The following ATP13A5 variants were observed in gnomAD, a reference collection of about 807,000 sequenced individuals.
ATP13A5 encodes the protein probable cation-transporting ATPase 13A5.
In ATP13A5, 149 loss-of-function variants were observed where a neutral mutation model predicts 150.2. That is an observed-to-expected ratio of 0.99 (90% CI 0.87 to 1.14). The LOEUF (loss-of-function observed/expected upper bound fraction) is 1.14, where lower values mean the gene tolerates loss of function less well. ATP13A5 is among the 50% of genes most tolerant of loss of function. The pLI is 0.00. For synonymous variants in ATP13A5, 497 were observed against 522.2 expected (o/e 0.95, Z 0.66); for missense variants, 1,383 against 1,449.3 (o/e 0.95, Z 0.74).
In ATP13A5 at chr3:193,335,018, T is replaced by C; in HGVS notation, c.1025A>G (p.Tyr342Cys). The C allele has an allele frequency of 6.2e-7, 1 of 1,614,014 alleles. No homozygotes were observed. Among genetic ancestry groups the C allele is most frequent in the Non-Finnish European group, 8.5e-7 (1 of 1,179,856 alleles). Residue 342 changes from tyrosine to cysteine, a missense_variant, in exon 10 of 30, where the codon TAT becomes TGT. Around this residue, in one of 3 missense-constraint regions of ATP13A5, gnomAD observed 787 missense variants for 771.9 expected, o/e 1.02. Transcript: ENST00000342358. ...MPWKCHSLED[Y>C]RKHVLFCGTE... ...TCCACAGAAAAGGACGTGTTTCCTA[T>C]AATCCTCCAAACTGTGACATTTCCA...
chr3:193,367,019 A>G (rs1479779881), intron 1 of ATP13A5, among the ~76,000 whole-genome samples: 1 of 152,106 alleles, frequency 6.6e-6, no homozygotes, highest in Non-Finnish European at 1.5e-5. Context: ...AAAATTGAGA[A>G]ATAAACATTC....
chr3:193,372,410 A>G (rs543559948), intron 1 of ATP13A5: 1 of 155,154 alleles, frequency 6.4e-6, no homozygotes, highest in East Asian at 1.9e-4. Context: ...GAAGACAAAC[A>G]TTATGACTGT....
intron 1 of ATP13A5, among the ~76,000 whole-genome samples, chr3:193,375,156 C>A (rs1465636919): frequency 1.3e-5 from 2 of 152,216 alleles, no homozygotes; most frequent in African/African-American, 4.8e-5. Flanking sequence ...CCCAGTATTT[C>A]TCAAACCTGA....
chr3:193,322,534 G>A lies in ATP13A5; in HGVS notation c.1715C>T (p.Thr572Met), dbSNP rs199624603. 1.1e-4 allele frequency: 178 copies of A among 1,613,762 alleles called. 1 individual carries two copies. The highest frequency in any genetic ancestry group is 4.5e-4 in the South Asian group (41 of 91,012). ...DCIVDSCKFG[T>M]SVSNIIKPGP... ...TGGTTTTATGATGTTTGAAACTGAC[G>A]TCCCAAATTTGCAGGAGTCTACAAT... The change falls in exon 15 of 30, where the codon ACG becomes ATG. Residue 572 changes from threonine (T) to methionine (M), a missense_variant. By Grantham distance (81) the Thr-to-Met change is moderately conservative. This residue lies in a region of ATP13A5 where 787 missense variants were observed against 771.9 expected (regional missense o/e 1.02). Transcript: ENST00000342358.
At chr3:193,309,900 A>C (rs1313649506) in intron 21 of ATP13A5, among the ~76,000 whole-genome samples, 1 of 152,142 alleles carries the variant, frequency 6.6e-6, no homozygotes, top group Non-Finnish European at 1.5e-5. Context: ...TTTGGAGAAC[A>C]TGTGCAGATT....
Position 193,335,026 on chromosome 3 carries a change from C to T in ATP13A5, c.1017G>A (p.Leu339=). The change falls in exon 10 of 30, where the codon TTG becomes TTA. Residue 339 remains leucine, a synonymous_variant. Transcript: ENST00000342358. ...AAAGGACGTGTTTCCTATAATCCTC[C>T]AAACTGTGACATTTCCAAGGCATAG... ...ENTMPWKCHS[L]EDYRKHVLFC... 1.2e-6 allele frequency: 2 copies of T among 1,613,928 alleles called. No homozygotes were observed. The highest frequency in any genetic ancestry group is 2.2e-5 in the South Asian group (2 of 91,072).
intron 12 of ATP13A5, among the ~76,000 whole-genome samples, chr3:193,328,033 G>T (rs771280264): frequency 4.1e-4 from 63 of 152,198 alleles, no homozygotes; most frequent in Non-Finnish European, 1.0e-4. Context: ...ACATCCATTA[G>T]CATAATGCTT....
At chr3:193,276,670 G>T (rs1247935849) in intron 29 of ATP13A5, 80 bp downstream of exon 29, 4 of 978,266 alleles carry the variant, frequency 4.1e-6, no homozygotes, top group East Asian at 2.4e-5. Context: ...CAAAGTGGTT[G>T]CTCTAGAAAA....
chr3:193,334,905 C>T (rs752630927), intron 10 of ATP13A5, 24 bp downstream of exon 10: 2 of 1,597,222 alleles, frequency 1.3e-6, no homozygotes, highest in South Asian at 2.2e-5. Context: ...ATGAATTAAA[C>T]TTACAAAAGT....
At chr3:193,356,437 A>G (rs1250941371) in intron 5 of ATP13A5, among the ~76,000 whole-genome samples, 2 of 152,158 alleles carry the variant, frequency 1.3e-5, no homozygotes, top group Non-Finnish European at 2.9e-5. Context: ...GGGGTTTTAT[A>G]AAACATACCT....
intron 13 of ATP13A5, among the ~76,000 whole-genome samples, chr3:193,326,442 C>T (rs1275831545): frequency 6.6e-6 from 1 of 152,206 alleles, no homozygotes; most frequent in Non-Finnish European, 1.5e-5. Flanking sequence ...AGTGCCATCT[C>T]CTTCAGGTGG....
At chr3:193,291,609 C>T (rs1717956265) in intron 25 of ATP13A5, among the ~76,000 whole-genome samples, 1 of 151,996 alleles carries the variant, frequency 6.6e-6, no homozygotes, top group African/African-American at 2.4e-5. Flanking sequence ...TCAGCCTGAC[C>T]TCCAGATAGG....
intron 9 of ATP13A5, 58 bp from the exon 10 acceptor site, chr3:193,335,157 G>A (rs1447576739): frequency 1.3e-6 from 2 of 1,517,970 alleles, no homozygotes; most frequent in African/African-American, 2.8e-5. Context: ...GTCAGAACTG[G>A]TGCATGCCAG....
In ATP13A5 at chr3:193,378,740, C is replaced by T. The variant is rs4687419; in HGVS notation, c.-15G>A. 1,099,055 of 1,608,718 alleles carry T rather than the reference C, an allele frequency of 0.68. 377,034 individuals carry two copies. The highest frequency in any genetic ancestry group is 0.77 in the East Asian group (34,341 of 44,812). On this transcript the variant is annotated 5_prime_UTR_variant, in exon 1 of 30. Coordinates refer to ENST00000342358, the MANE Select transcript of ATP13A5 (RefSeq NM_198505.4). ...TTCTCTTCCATCTGAACTCAACCGG[C>T]GAGGATCTCTTCTGGCTAACTCCTT... is the stretch of plus-strand genomic sequence containing the variant.
chr3:193,318,901 A>G, intron 17 of ATP13A5, 90 bp downstream of exon 17: 1 of 872,148 alleles, frequency 1.1e-6, no homozygotes, highest in Middle Eastern at 3.0e-4. Flanking sequence ...AGAGCCTTCC[A>G]GGTGATTAGA....
chr3:193,362,624 T>A lies in ATP13A5; in HGVS notation c.398A>T (p.Glu133Val). Residue 133 changes from glutamate (E) to valine (V), a missense_variant, in exon 4 of 30, where the codon GAA becomes GTA. Physicochemically the swap from Glu to Val is moderately radical, Grantham distance 121. Coordinates refer to ENST00000342358, the MANE Select transcript of ATP13A5 (RefSeq NM_198505.4). ...CCAAACATACCTGATTTTCTGCACT[T>A]CCATGCACCGCAGCTACGATTGCAA... ...IKPELKLRCM[E>V]VQKIRYVWND... The A allele has an allele frequency of 6.2e-7, 1 of 1,614,180 alleles. No individual in the cohort carries two copies. Among genetic ancestry groups the A allele is most frequent in the Non-Finnish European group, 8.5e-7 (1 of 1,180,012 alleles).
At position 193,314,981 on chromosome 3, in the gene ATP13A5, T is replaced by C. The variant is rs1208764325; in HGVS notation, c.2149A>G (p.Met717Val). The C allele has an allele frequency of 6.2e-7, 1 of 1,613,684 alleles. No individual in the cohort carries two copies. The highest frequency in any genetic ancestry group is 1.1e-5 in the South Asian group (1 of 91,044). ...AGAAACAAATACATACCTGTAATCA[T>C]CACAGTCCTGATACGGGCCTCACTC... ...ELSEARIRTV[M>V]ITGDNLQTAI... is the part of the protein sequence containing the mutation. Residue 717 changes from methionine to valine, a missense_variant, in exon 18 of 30, where the codon ATG (methionine) becomes GTG (valine). Physicochemically the swap from Met to Val is conservative, Grantham distance 21. This residue lies in a region of ATP13A5 where 568 missense variants were observed against 621.5 expected (regional missense o/e 0.91). Transcript: ENST00000342358.
At chr3:193,308,247 C>A (rs1718694671) in intron 21 of ATP13A5, among the ~76,000 whole-genome samples, 2 of 152,230 alleles carry the variant, frequency 1.3e-5, no homozygotes, top group South Asian at 4.2e-4. Flanking sequence ...ATCTTGAGGT[C>A]AGGAGTTCGA....
Position 193,289,924 on chromosome 3 carries a change from A to G in ATP13A5, c.2984T>C (p.Val995Ala), listed in dbSNP as rs149431762. The part of the protein sequence containing the change: ...CIVQISAFLY[V>A]KQQPWYCEVY... ...CTCACAATACCAAGGCTGCTGCTTC[A>G]CATAGAGAAATGCACTGATCTGCAC... The change falls in exon 26 of 30, where the codon GTG becomes GCG. Residue 995 changes from valine (V) to alanine (A), a missense_variant. Val to Ala is a moderately conservative substitution (Grantham distance 64). Around this residue, in one of 3 missense-constraint regions of ATP13A5, gnomAD observed 568 missense variants for 621.5 expected, o/e 0.91. Coordinates refer to ENST00000342358, the MANE Select transcript of ATP13A5 (RefSeq NM_198505.4). 3 of 1,611,810 alleles carry G rather than the reference A, an allele frequency of 1.9e-6. No homozygotes were observed. Among genetic ancestry groups the G allele is most frequent in the South Asian group, 1.1e-5 (1 of 90,682 alleles).
Sources: gnomAD v4.1 joint callset for allele counts (sites outside exome capture counted in the v4.1 genomes callset) on GRCh38, gnomAD v4.1.1 for gene constraint, gnomAD v4.1.1 regional missense constraint, MANE v1.5 for transcripts, NCBI Gene and HGNC (gene_info 2026-07-23, HGNC 2026-07-21) for gene names.